Variants in TMEM196 observed in about 807,000 individuals in gnomAD.
TMEM196 encodes the protein transmembrane protein 196.
In TMEM196, 17 loss-of-function variants were observed where a neutral mutation model predicts 20.0. That is an observed-to-expected ratio of 0.85 (90% CI 0.58 to 1.27). TMEM196 has a LOEUF of 1.27. Ranked by LOEUF, TMEM196 falls within the 50% of genes most tolerant of loss-of-function variation. TMEM196 has a pLI of 0.00. For synonymous variants in TMEM196, 113 were observed against 88.9 expected (o/e 1.27, Z -1.52); for missense variants, 267 against 223.0 (o/e 1.20, Z -1.26).
At position 19,767,281 on chromosome 7, in the gene TMEM196, G is replaced by A. The variant is rs546757689; in HGVS notation, c.147+5269C>T. 6.6e-4 allele frequency among the ~76,000 whole-genome samples: 101 copies of A among 152,108 alleles called. 2 individuals are homozygous for A. The South Asian group carries it at 6.9e-3, about 10-fold the overall frequency. Reference sequence around the variant, plus strand: ...AACACATATTTACATCTCTTTTGACGCATGGTATGGCCCCCTGAATAATAA... The same window carrying A: ...AACACATATTTACATCTCTTTTGACACATGGTATGGCCCCCTGAATAATAA... On this transcript the variant is annotated intron_variant, in intron 1 of 4. Coordinates refer to ENST00000405844, the MANE Select transcript of TMEM196 (RefSeq NM_001363562.2).
chr7:19,736,728 A>C (rs1784421262), intron 1 of TMEM196, among the ~76,000 whole-genome samples: 1 of 151,870 alleles, frequency 6.6e-6, no homozygotes, highest in Non-Finnish European at 1.5e-5. Context: ...ATCAATAAAC[A>C]TGAAGACCAG....
intron 4 of TMEM196, among the ~76,000 whole-genome samples, chr7:19,723,752 C>G (rs956106095): frequency 6.6e-6 from 1 of 152,100 alleles, no homozygotes; most frequent in African/African-American, 2.4e-5. Flanking sequence ...AAACCAAGAA[C>G]CATTACTATT....
At chr7:19,736,735 C>T (rs969786878) in intron 1 of TMEM196, among the ~76,000 whole-genome samples, 1 of 151,762 alleles carries the variant, frequency 6.6e-6, no homozygotes, top group Non-Finnish European at 1.5e-5. Flanking sequence ...AACATGAAGA[C>T]CAGATAAACC....
chr7:19,771,493 G>C (rs566688264), intron 1 of TMEM196, among the ~76,000 whole-genome samples: 1 of 152,134 alleles, frequency 6.6e-6, no homozygotes, highest in African/African-American at 2.4e-5. Flanking sequence ...CTTGAACTCC[G>C]TAATAATCAT....
chr7:19,762,722 G>A (rs1051000599), intron 1 of TMEM196, among the ~76,000 whole-genome samples: 3 of 152,148 alleles, frequency 2.0e-5, no homozygotes, highest in East Asian at 3.9e-4. Context: ...ATTTAGTGAA[G>A]GAGAAAGAAA....
At chr7:19,726,298 G>C (rs1321375682) in intron 2 of TMEM196, among the ~76,000 whole-genome samples, 1 of 151,962 alleles carries the variant, frequency 6.6e-6, no homozygotes, top group Admixed American at 6.6e-5. Context: ...TATCTCAATA[G>C]CTTCTCTTTG....
intron 3 of TMEM196, 37 bp from the exon 4 acceptor site, chr7:19,724,390 A>G: frequency 1.3e-6 from 2 of 1,526,426 alleles, no homozygotes; most frequent in South Asian, 1.2e-5. Context: ...TAAATATTGC[A>G]CAAATATATA....
intron 2 of TMEM196, among the ~76,000 whole-genome samples, chr7:19,727,740 A>T (rs1562606639): frequency 6.6e-6 from 1 of 152,192 alleles, no homozygotes; most frequent in Non-Finnish European, 1.5e-5. Flanking sequence ...TTTCTGTTAC[A>T]GGAAAGCCCA....
chr7:19,726,152 ACACTCC>A (rs1200210720), intron 2 of TMEM196, among the ~76,000 whole-genome samples: 1 of 152,180 alleles, frequency 6.6e-6, no homozygotes, highest in African/African-American at 2.4e-5. Flanking sequence ...ATCTCAATTG[ACACTCC>A]CAGCAAGCCT....
intron 1 of TMEM196, among the ~76,000 whole-genome samples, chr7:19,762,662 C>G (rs73261327): frequency 1.3e-5 from 2 of 151,924 alleles, no homozygotes; most frequent in African/African-American, 4.8e-5. Context: ...ATAAAGCTCA[C>G]AACTTGAAAC....
chr7:19,736,434 A>T (rs1390893122), intron 1 of TMEM196, among the ~76,000 whole-genome samples: 1 of 135,528 alleles, frequency 7.4e-6, no homozygotes, highest in Non-Finnish European at 1.6e-5. Flanking sequence ...AAGCTTATCA[A>T]GTTGGAAAGC....
Position 19,764,509 on chromosome 7 carries a change from TTACAAATGTTAATAG to T in TMEM196, c.147+8026_147+8040del, listed in dbSNP as rs566276934. Among the ~76,000 whole-genome samples, 14 of 152,282 alleles carry T rather than the reference TTACAAATGTTAATAG, an allele frequency of 9.2e-5. No individual in the cohort carries two copies. In the East Asian group the frequency reaches 2.7e-3, roughly 29 times the overall value. Reference sequence around the variant, plus strand: ...TTGCCTTTACCTCTTCTCCATGACTTTACAAATGTTAATAGTTTTGCTTTGCACACTTTTCCTCCT... The same window carrying T: ...TTGCCTTTACCTCTTCTCCATGACTTTTTTGCTTTGCACACTTTTCCTCCT... On this transcript the variant is annotated intron_variant, in intron 1 of 4. Transcript: ENST00000405844.
intron 1 of TMEM196, among the ~76,000 whole-genome samples, chr7:19,749,106 A>G (rs1451469750): frequency 1.3e-5 from 2 of 152,198 alleles, no homozygotes; most frequent in Non-Finnish European, 2.9e-5. Flanking sequence ...ACTTGTAAAA[A>G]ATGATAGGAT....
At position 19,728,338 on chromosome 7, in the gene TMEM196, A is replaced by G. The variant is rs373242632; in HGVS notation, c.204+1044T>C. Among the ~76,000 whole-genome samples the G allele has an allele frequency of 3.3e-5, 5 of 152,200 alleles. No individual in the cohort carries two copies. In the East Asian group the frequency reaches 5.8e-4, roughly 18 times the overall value. The stretch of plus-strand genomic sequence containing the variant: ...CATAAGGAGAATGAAGACCATGTGT[A>G]AAAAATGATGGGAGAATCATAAATG... On this transcript the variant is annotated intron_variant, in intron 2 of 4. Coordinates refer to ENST00000405844, the MANE Select transcript of TMEM196 (RefSeq NM_001363562.2).
At chr7:19,749,525 C>T (rs888978607) in intron 1 of TMEM196, among the ~76,000 whole-genome samples, 1 of 151,904 alleles carries the variant, frequency 6.6e-6, no homozygotes, top group Non-Finnish European at 1.5e-5. Flanking sequence ...AAGTTCTGCT[C>T]TTTTTTTTAA....
intron 1 of TMEM196, among the ~76,000 whole-genome samples, chr7:19,734,780 C>T (rs887853906): frequency 7.9e-5 from 12 of 152,100 alleles, no homozygotes; most frequent in East Asian, 1.9e-4. Context: ...AACTAATTTC[C>T]GTTGTTTTAA....
At position 19,725,643 on chromosome 7, in the gene TMEM196, G is replaced by C. The variant is rs377237911; in HGVS notation, c.330C>G (p.Leu110=). 2.5e-6 allele frequency: 4 copies of C among 1,614,122 alleles called. No homozygotes were observed. Among genetic ancestry groups the C allele is most frequent in the Non-Finnish European group, 3.4e-6 (4 of 1,179,996 alleles). ...LYPLHLASMS[L]ACIGIGGCTL... ...TGCAGCCCCCGATCCCAATGCACGC[G>C]AGAGACATGGAGGCAAGGTGCAGTG... The change falls in exon 3 of 5, where the codon CTC becomes CTG. Residue 110 remains leucine, a synonymous_variant. Coordinates refer to ENST00000405844, the MANE Select transcript of TMEM196 (RefSeq NM_001363562.2).
chr7:19,742,281 A>T (rs962526259), intron 1 of TMEM196, among the ~76,000 whole-genome samples: 3 of 152,128 alleles, frequency 2.0e-5, no homozygotes, highest in African/African-American at 7.2e-5. Flanking sequence ...CCTAAAGGAG[A>T]GAGGCATCTC....
intron 1 of TMEM196, among the ~76,000 whole-genome samples, chr7:19,767,708 TAGG>T (rs1381206204): frequency 6.6e-6 from 1 of 151,990 alleles, no homozygotes; most frequent in Non-Finnish European, 1.5e-5. Flanking sequence ...TTTGGGGGGA[TAGG>T]AGCAGCATTT....
Sources: allele counts gnomAD v4.1 joint callset (sites outside exome capture counted in the v4.1 genomes callset), GRCh38; gene constraint gnomAD v4.1.1; transcripts MANE v1.5; gene names NCBI Gene and HGNC (gene_info 2026-07-23, HGNC 2026-07-21).